The following NCOA1 variants were observed in gnomAD, a reference collection of about 807,000 sequenced individuals.
NCOA1 encodes the protein nuclear receptor coactivator 1.
Under a neutral mutation model 150.9 loss-of-function variants are expected in NCOA1, and 35 were observed. The ratio of observed to expected loss-of-function variants is 0.23; its 90% CI spans 0.18 to 0.31. NCOA1 has a LOEUF of 0.31. NCOA1 is among the 10% of genes least tolerant of loss of function. NCOA1 has a pLI of 1.00. For missense variants in NCOA1, 1,491 were observed against 1,749.3 expected (o/e 0.85, Z 2.63); for synonymous variants, 590 against 630.0 (o/e 0.94, Z 0.95).
intron 3 of NCOA1, among the ~76,000 whole-genome samples, chr2:24,589,930 T>C (rs979895538): frequency 4.6e-5 from 7 of 152,190 alleles, no homozygotes; most frequent in Admixed American, 4.6e-4. Flanking sequence ...CTATAATTCA[T>C]ATTTTTTCTA....
At chr2:24,491,924 C>G (rs1662981954) in intron 1 of NCOA1, 1 of 151,902 alleles carries the variant, frequency 6.6e-6, no homozygotes, top group Non-Finnish European at 1.5e-5. Flanking sequence ...GGAGGGGGTG[C>G]GAGCTGCGCG....
chr2:24,582,428 A>C (rs1667229289), intron 2 of NCOA1, among the ~76,000 whole-genome samples: 1 of 152,174 alleles, frequency 6.6e-6, no homozygotes, highest in African/African-American at 2.4e-5. Flanking sequence ...AAAAACTACA[A>C]AACACTGATG....
rs142233800 is a variant in NCOA1 at position 24,634,905 on chromosome 2, C to T, written c.-174-9061C>T. 8.4e-4 allele frequency among the ~76,000 whole-genome samples: 128 copies of T among 152,084 alleles called. 1 individual carries two copies. The East Asian group carries it at 0.02, about 24-fold the overall frequency. Reference sequence around the variant, plus strand: ...TTATTTTTAAATTGTTTTGTAGAGACGGGGCCTCACTTTGTTGCCCAAGCT... The same window carrying T: ...TTATTTTTAAATTGTTTTGTAGAGATGGGGCCTCACTTTGTTGCCCAAGCT... On this transcript the variant is annotated intron_variant, in intron 3 of 22. Transcript: ENST00000348332.
intron 1 of NCOA1, among the ~76,000 whole-genome samples, chr2:24,501,110 A>T (rs539358962): frequency 1.3e-5 from 2 of 152,236 alleles, no homozygotes; most frequent in African/African-American, 4.8e-5. Flanking sequence ...ACTGATTGCC[A>T]TCAGAAGGTA....
chr2:24,522,669 T>C (rs1255611118), intron 1 of NCOA1, among the ~76,000 whole-genome samples: 3 of 152,154 alleles, frequency 2.0e-5, no homozygotes, highest in South Asian at 2.1e-4. Context: ...TCAAAATGTA[T>C]GTCAAGGGAT....
chr2:24,700,487 AC>A (rs1401108732), intron 11 of NCOA1, among the ~76,000 whole-genome samples: 3 of 152,272 alleles, frequency 2.0e-5, no homozygotes, highest in African/African-American at 7.2e-5. Context: ...GCTGCTTTTG[AC>A]AGTCAGCTCA....
At chr2:24,520,686 G>A (rs568212899) in intron 1 of NCOA1, among the ~76,000 whole-genome samples, 3 of 152,246 alleles carry the variant, frequency 2.0e-5, no homozygotes, top group African/African-American at 4.8e-5. Flanking sequence ...TGTGGTGATG[G>A]TTTTATTGGT....
chr2:24,745,242 A>C (rs1218380113), intron 19 of NCOA1, among the ~76,000 whole-genome samples: 1 of 148,782 alleles, frequency 6.7e-6, no homozygotes, highest in East Asian at 2.0e-4. Flanking sequence ...GCTCACTGCA[A>C]CCTCCACCTC....
intron 15 of NCOA1, 128 bp downstream of exon 15, chr2:24,726,834 TAA>T (rs5829933): frequency 0.01 from 2,048 of 202,394 alleles, no homozygotes; most frequent in East Asian, 0.015. Flanking sequence ...AAATACTTAC[TAA>T]AAAAAAAAAA....
chr2:24,583,311 A>G (rs1667276041), intron 2 of NCOA1, among the ~76,000 whole-genome samples: 2 of 152,142 alleles, frequency 1.3e-5, no homozygotes, highest in Non-Finnish European at 2.9e-5. Context: ...AAAATATTAA[A>G]CTTCAGTAAT....
At chr2:24,540,417 G>A (rs1373103646) in intron 1 of NCOA1, among the ~76,000 whole-genome samples, 1 of 151,798 alleles carries the variant, frequency 6.6e-6, no homozygotes, top group Non-Finnish European at 1.5e-5. Flanking sequence ...GTGCCAAGAT[G>A]GATGGATTAG....
At chr2:24,616,135 C>T (rs1038334080) in intron 3 of NCOA1, among the ~76,000 whole-genome samples, 6 of 152,048 alleles carry the variant, frequency 3.9e-5, no homozygotes, top group Non-Finnish European at 7.4e-5. Flanking sequence ...TTAGGTTATA[C>T]ATTAGAGGAA....
intron 11 of NCOA1, 50 bp from the exon 12 acceptor site, chr2:24,705,036 A>G: frequency 6.4e-7 from 1 of 1,568,448 alleles, no homozygotes; most frequent in Admixed American, 1.8e-5. Context: ...ACTTAAAGCC[A>G]GCGTATAAGT....
At chr2:24,597,895 A>G (rs1359515577) in intron 3 of NCOA1, among the ~76,000 whole-genome samples, 1 of 151,996 alleles carries the variant, frequency 6.6e-6, no homozygotes, top group Non-Finnish European at 1.5e-5. Context: ...CGTCATTTAC[A>G]TTGGGTATAT....
intron 20 of NCOA1, among the ~76,000 whole-genome samples, chr2:24,752,900 C>G (rs968035686): frequency 6.7e-6 from 1 of 149,776 alleles, no homozygotes; most frequent in Non-Finnish European, 1.5e-5. Context: ...TTCTCCAAAT[C>G]CTGGCTGCTG....
intron 2 of NCOA1, among the ~76,000 whole-genome samples, chr2:24,569,120 A>G (rs1008471615): frequency 6.6e-6 from 1 of 151,568 alleles, no homozygotes; most frequent in Non-Finnish European, 1.5e-5. Context: ...GCATTTAGTA[A>G]TGTGACTTTT....
At chr2:24,613,484 C>CA (rs1668730402) in intron 3 of NCOA1, among the ~76,000 whole-genome samples, 1 of 152,198 alleles carries the variant, frequency 6.6e-6, no homozygotes, top group South Asian at 2.1e-4. Context: ...AATGGGCAGC[C>CA]ACCAAGCACC....
chr2:24,555,491 C>T (rs558185263), intron 1 of NCOA1, among the ~76,000 whole-genome samples: 1 of 152,278 alleles, frequency 6.6e-6, no homozygotes, highest in South Asian at 2.1e-4. Context: ...GTAATGTTTT[C>T]AGGTCTTCTG....
chr2:24,563,612 G>T (rs1213807821), intron 1 of NCOA1, among the ~76,000 whole-genome samples: 1 of 151,878 alleles, frequency 6.6e-6, no homozygotes, highest in Admixed American at 6.6e-5. Flanking sequence ...CAACCTCTTG[G>T]GCTCAAGCCA....
Sources: gnomAD v4.1 joint callset for allele counts (sites outside exome capture counted in the v4.1 genomes callset) on GRCh38, gnomAD v4.1.1 for gene constraint, MANE v1.5 for transcripts, NCBI Gene and HGNC (gene_info 2026-07-23, HGNC 2026-07-21) for gene names.